Variants in DOCK7 observed in about 807,000 individuals in gnomAD.
The protein encoded by DOCK7 is dedicator of cytokinesis 7.
DOCK7 carries 138 observed loss-of-function variants against 271.0 expected under a neutral mutation model. That is an observed-to-expected ratio of 0.51 (90% CI 0.44 to 0.59). The LOEUF is 0.59. DOCK7 is among the 20% of genes least tolerant of loss of function. The pLI is 0.00. For synonymous variants in DOCK7, 823 were observed against 876.1 expected, an observed-to-expected ratio of 0.94 and a Z score of 1.07; for missense variants, 2,066 against 2,592.4, an observed-to-expected ratio of 0.80 and a Z score of 4.41.
At chr1:62,570,772 C>T (rs1646745430) in intron 18 of DOCK7, among the ~76,000 whole-genome samples, 1 of 152,136 alleles carries the variant, frequency 6.6e-6, no homozygotes, top group East Asian at 1.9e-4. Context: ...ACCATCTGAT[C>T]TTCAACAAAC....
intron 21 of DOCK7, among the ~76,000 whole-genome samples, chr1:62,554,398 G>T (rs1302379859): frequency 7.2e-6 from 1 of 138,312 alleles, no homozygotes; most frequent in Admixed American, 8.3e-5. Context: ...CGTGAACCCG[G>T]GAAGCGGAGC....
chr1:62,479,905 G>A (rs1211899614), intron 43 of DOCK7, among the ~76,000 whole-genome samples: 1 of 151,964 alleles, frequency 6.6e-6, no homozygotes, highest in Non-Finnish European at 1.5e-5. Context: ...GGCTGGTCTT[G>A]AATTCCTGGG....
intron 31 of DOCK7, among the ~76,000 whole-genome samples, chr1:62,521,692 A>G (rs1336476792): frequency 6.6e-6 from 1 of 152,196 alleles, no homozygotes; most frequent in Non-Finnish European, 1.5e-5. Context: ...AGTTGTTAAG[A>G]AGACCAGGTG....
intron 48 of DOCK7, among the ~76,000 whole-genome samples, chr1:62,471,533 T>C (rs915487168): frequency 5.6e-4 from 85 of 152,282 alleles, no homozygotes; most frequent in Middle Eastern, 3.4e-3. Flanking sequence ...TAACCAGGCA[T>C]GGTGGTGCAC....
At chr1:62,602,016 C>G in intron 14 of DOCK7, 1 of 618,650 alleles carries the variant, frequency 1.6e-6, no homozygotes, top group Non-Finnish European at 2.8e-6. Context: ...AAATATAATA[C>G]TTTTACCTTG....
intron 18 of DOCK7, among the ~76,000 whole-genome samples, chr1:62,564,831 A>C (rs1257982551): frequency 6.6e-6 from 1 of 152,202 alleles, no homozygotes. Context: ...AAGAGAGATG[A>C]ATCAAATAGA....
intron 48 of DOCK7, among the ~76,000 whole-genome samples, chr1:62,466,900 A>G (rs1645693901): frequency 6.6e-6 from 1 of 152,158 alleles, no homozygotes. Context: ...CCTGGGTGAC[A>G]GCGAGATTCT....
chr1:62,584,430 G>T (rs1647265566), intron 15 of DOCK7: 15 of 994,546 alleles, frequency 1.5e-5, no homozygotes, highest in Non-Finnish European at 1.7e-5. Flanking sequence ...GGCAAACACA[G>T]TATGTCTATG....
At chr1:62,688,105 C>A in intron 1 of DOCK7, 122 bp downstream of exon 1, 2 of 1,151,418 alleles carry the variant, frequency 1.7e-6, no homozygotes, top group Non-Finnish European at 2.1e-6. Flanking sequence ...CCGCCGCGAG[C>A]CAGGCCGCGG....
rs1351329280 is a variant in DOCK7, at chr1:62,619,967, A to G, written c.1452T>C (p.Asp484=). 6.2e-7 allele frequency: 1 copy of G among 1,613,856 alleles called. No individual in the cohort carries two copies. ...TCATATCAGCAAGGAATTTGTAGAGATCTTCATCACTTAAGCGGTCTCCTT... is the reference window on the plus strand; with the variant it reads ...TCATATCAGCAAGGAATTTGTAGAGGTCTTCATCACTTAAGCGGTCTCCTT... ...KQEGDRLSDE[D]LYKFLADMRR... The change falls in exon 13 of 50, where the codon GAT becomes GAC. Residue 484 remains aspartate, a synonymous_variant. Coordinates refer to ENST00000635253, the MANE Select transcript of DOCK7 (RefSeq NM_001367561.1).
intron 18 of DOCK7, among the ~76,000 whole-genome samples, chr1:62,576,640 T>C (rs1318267357): frequency 1.3e-5 from 2 of 152,266 alleles, no homozygotes; most frequent in African/African-American, 4.8e-5. Flanking sequence ...AGCAGTTATA[T>C]TCAAAATCAT....
intron 18 of DOCK7, among the ~76,000 whole-genome samples, chr1:62,563,550 T>C (rs980050423): frequency 4.6e-5 from 7 of 151,234 alleles, no homozygotes; most frequent in Non-Finnish European, 8.9e-5. Flanking sequence ...AACAGAAAAA[T>C]ACAAGAGATT....
At chr1:62,686,883 A>G (rs1572024412) in intron 1 of DOCK7, among the ~76,000 whole-genome samples, 1 of 66,592 alleles carries the variant, frequency 1.5e-5, no homozygotes, top group African/African-American at 6.5e-5. Flanking sequence ...GGAAAGAAAG[A>G]AAAAAAAAAG....
chr1:62,477,746 T>C lies in DOCK7; in HGVS notation c.5588A>G (p.Lys1863Arg). 6.2e-7 allele frequency: 1 copy of C among 1,611,010 alleles called. No individual in the cohort carries two copies. The highest frequency in any genetic ancestry group is 8.5e-7 in the Non-Finnish European group (1 of 1,179,178). ...GDLDEQEFVY[K>R]EPAITKLAEI... ...TGCAAGTTTGGTTATTGCAGGCTCCTTGTAAACAAATTCTTGTTCATCCAA... is the reference window on the plus strand; with the variant it reads ...TGCAAGTTTGGTTATTGCAGGCTCCCTGTAAACAAATTCTTGTTCATCCAA... Residue 1863 changes from lysine to arginine, a missense_variant, in exon 44 of 50, where the codon AAG becomes AGG. Lys to Arg is a conservative substitution (Grantham distance 26). Coordinates refer to ENST00000635253, the MANE Select transcript of DOCK7 (RefSeq NM_001367561.1).
At chr1:62,461,986 G>A (rs1045113015) in intron 48 of DOCK7, among the ~76,000 whole-genome samples, 4 of 151,262 alleles carry the variant, frequency 2.6e-5, no homozygotes, top group Admixed American at 6.6e-5. Flanking sequence ...TAGGAGAATC[G>A]CTTGAACCCA....
chr1:62,638,594 C>T (rs1388998700), intron 7 of DOCK7, among the ~76,000 whole-genome samples: 11 of 136,790 alleles, frequency 8.0e-5, no homozygotes, highest in Non-Finnish European at 1.7e-4. Context: ...TATATATTTT[C>T]ATGAATATAT....
chr1:62,502,474 G>A (rs1040541018), intron 37 of DOCK7, among the ~76,000 whole-genome samples: 13 of 152,258 alleles, frequency 8.5e-5, no homozygotes, highest in Admixed American at 2.0e-4. Context: ...AGACCAATGA[G>A]ACAAATAAAT....
chr1:62,501,651 C>CT (rs1646788013), intron 37 of DOCK7, among the ~76,000 whole-genome samples: 1 of 151,850 alleles, frequency 6.6e-6, no homozygotes, highest in Non-Finnish European at 1.5e-5. Flanking sequence ...CCTAATAAAT[C>CT]TTTTTGAACA....
In DOCK7 at chr1:62,539,671, A is replaced by C. The variant is rs1297002413; in HGVS notation, c.3187-13T>G. 6.2e-7 allele frequency: 1 copy of C among 1,611,004 alleles called. No homozygotes were observed. Among genetic ancestry groups the C allele is most frequent in the Non-Finnish European group, 8.5e-7 (1 of 1,179,162 alleles). On this transcript the variant is annotated splice_polypyrimidine_tract_variant and intron_variant, in intron 26 of 49. Transcript: ENST00000635253. The stretch of plus-strand genomic sequence containing the variant: ...CCATTTCTGTGTCCTGTGAAACAGA[A>C]TATAAAACAAAAACAAATTAAAGTA...
Sources: allele counts gnomAD v4.1 joint callset (sites outside exome capture counted in the v4.1 genomes callset), GRCh38; gene constraint gnomAD v4.1.1; transcripts MANE v1.5; gene names NCBI Gene and HGNC (gene_info 2026-07-23, HGNC 2026-07-21).